BCL2L1: variants seen among roughly 807,000 people sequenced by gnomAD.
The protein encoded by BCL2L1 is bcl-2-like protein 1.
BCL2L1 carries 1 observed loss-of-function variant against 18.7 expected under a neutral mutation model. The ratio of observed to expected loss-of-function variants is 0.05; its 90% CI spans 0.02 to 0.25. The LOEUF is 0.25. Among genes scored for constraint, BCL2L1 ranks in the 10% least tolerant of loss-of-function variants. The pLI is 1.00. For missense variants in BCL2L1, 207 were observed against 304.9 expected, an observed-to-expected ratio of 0.68 and a Z score of 2.39; for synonymous variants, 103 against 122.7, an observed-to-expected ratio of 0.84 and a Z score of 1.06.
At position 31,665,040 on chromosome 20, in the gene BCL2L1, G is replaced by C. The variant is rs1216335005; in HGVS notation, c.*909C>G. On this transcript the variant is annotated 3_prime_UTR_variant, in exon 3 of 3. Transcript: ENST00000307677. The stretch of plus-strand genomic sequence containing the variant: ...GGGGCTCCCATAGCTGTTCCTGATA[G>C]CTCCCTTTCACCTCAGGGCTGAGTC... 1 of 189,274 alleles carries C rather than the reference G, an allele frequency of 5.3e-6. No homozygotes were observed. Among genetic ancestry groups the C allele is most frequent in the Admixed American group, 6.2e-5 (1 of 16,148 alleles). The allele number at this position is 189,274 out of a possible 1,614,324, so 11.7% of individuals were successfully genotyped here. A position where few individuals can be genotyped will look rare whatever the true frequency, so the allele number is the denominator to read the frequency against.
rs2122489953 is a variant in BCL2L1, at chr20:31,675,234, G to A, written c.565-9148C>T. Among the ~76,000 whole-genome samples, 3 of 152,324 alleles carry A rather than the reference G, an allele frequency of 2.0e-5. No individual in the cohort carries two copies. In the South Asian group the frequency reaches 6.2e-4, roughly 32 times the overall value. The stretch of plus-strand genomic sequence containing the variant: ...GAAAGAGGTAGGTGGAGAAGAGGAA[G>A]AGGCTACTAGCAGCCAGGAAAAGTG... On this transcript the variant is annotated intron_variant, in intron 2 of 2. Coordinates refer to ENST00000307677, the MANE Select transcript of BCL2L1 (RefSeq NM_138578.3).
At chr20:31,697,898 T>C (rs2061206471) in intron 2 of BCL2L1, among the ~76,000 whole-genome samples, 1 of 148,914 alleles carries the variant, frequency 6.7e-6, no homozygotes, top group Non-Finnish European at 1.5e-5. Context: ...TGCTGTTTTT[T>C]TTTTTTTGAG....
At chr20:31,667,843 T>G (rs1228622763) in intron 2 of BCL2L1, among the ~76,000 whole-genome samples, 1 of 152,154 alleles carries the variant, frequency 6.6e-6, no homozygotes. Flanking sequence ...CCATGTGCAC[T>G]GAGCTGCTAA....
At chr20:31,719,370 T>A (rs1280425759) in intron 2 of BCL2L1, among the ~76,000 whole-genome samples, 3 of 152,144 alleles carry the variant, frequency 2.0e-5, no homozygotes, top group Non-Finnish European at 4.4e-5. Context: ...AGCCGCAGTC[T>A]CCAGGATAAT....
intron 2 of BCL2L1, among the ~76,000 whole-genome samples, chr20:31,690,424 CAT>C (rs924507473): frequency 9.2e-5 from 14 of 152,142 alleles, no homozygotes; most frequent in Non-Finnish European, 1.5e-5. Flanking sequence ...AATATTTAAT[CAT>C]GTACAAAAGT....
intron 2 of BCL2L1, among the ~76,000 whole-genome samples, chr20:31,714,507 T>C (rs1216810986): frequency 6.6e-6 from 1 of 152,150 alleles, no homozygotes; most frequent in Non-Finnish European, 1.5e-5. Context: ...GGAAAGATAA[T>C]AAGAATAATG....
At chr20:31,685,897 C>T (rs1208831687) in intron 2 of BCL2L1, among the ~76,000 whole-genome samples, 1 of 152,132 alleles carries the variant, frequency 6.6e-6, no homozygotes, top group African/African-American at 2.4e-5. Flanking sequence ...ATATATAAAC[C>T]AAAGACCCAA....
At chr20:31,715,596 G>A (rs1162147767) in intron 2 of BCL2L1, among the ~76,000 whole-genome samples, 2 of 152,006 alleles carry the variant, frequency 1.3e-5, no homozygotes, top group South Asian at 2.1e-4. Context: ...ACTTTTGTTG[G>A]GACTCAGGAC....
intron 2 of BCL2L1, among the ~76,000 whole-genome samples, chr20:31,672,856 T>C (rs2060692652): frequency 6.6e-6 from 1 of 151,618 alleles, no homozygotes. Flanking sequence ...TGCCCACATT[T>C]CCTTCTTTTT....
At chr20:31,693,540 G>A (rs1296786864) in intron 2 of BCL2L1, among the ~76,000 whole-genome samples, 2 of 151,204 alleles carry the variant, frequency 1.3e-5, no homozygotes, top group Non-Finnish European at 2.9e-5. Flanking sequence ...GTTTATTTTT[G>A]TTTGTTTTTA....
rs183622785 is a variant in BCL2L1 at position 31,706,149 on chromosome 20, G to A, written c.564+15506C>T. Among the ~76,000 whole-genome samples the A allele has an allele frequency of 1.7e-4, 26 of 152,224 alleles. No homozygotes were observed. The Middle Eastern group carries it at 0.014, about 80-fold the overall frequency. On this transcript the variant is annotated intron_variant, in intron 2 of 2. Transcript: ENST00000307677. ...TGTTCTGGATCAGAGATAAGCATGGGGTGAGAACCATAGTACACTGGATTT... is the reference window on the plus strand; with the variant it reads ...TGTTCTGGATCAGAGATAAGCATGGAGTGAGAACCATAGTACACTGGATTT...
At chr20:31,676,640 G>C (rs2060766201) in intron 2 of BCL2L1, among the ~76,000 whole-genome samples, 1 of 152,144 alleles carries the variant, frequency 6.6e-6, no homozygotes, top group South Asian at 2.1e-4. Flanking sequence ...CAGAGTCGGA[G>C]ACTCCAGGGA....
intron 2 of BCL2L1, among the ~76,000 whole-genome samples, chr20:31,712,297 TACTA>T (rs890648824): frequency 1.3e-5 from 2 of 152,202 alleles, no homozygotes; most frequent in African/African-American, 4.8e-5. Context: ...CTTTGCCTCT[TACTA>T]ACTGTGCTAC....
intron 2 of BCL2L1, among the ~76,000 whole-genome samples, chr20:31,667,675 T>A (rs1413605908): frequency 1.3e-5 from 2 of 152,080 alleles, no homozygotes; most frequent in Admixed American, 1.3e-4. Context: ...TTTGCTCACT[T>A]GTGACCCCTG....
At chr20:31,670,445 C>T (rs2060649717) in intron 2 of BCL2L1, among the ~76,000 whole-genome samples, 1 of 152,210 alleles carries the variant, frequency 6.6e-6, no homozygotes, top group Admixed American at 6.5e-5. Flanking sequence ...TTGATGGGAA[C>T]TTTCCTGAAG....
rs185520761 is a variant in BCL2L1, at chr20:31,703,515, A to C, written c.564+18140T>G. Among the ~76,000 whole-genome samples, 511 of 142,512 alleles carry C rather than the reference A, an allele frequency of 3.6e-3. 2 individuals are homozygous for C. The highest frequency in any genetic ancestry group is 0.013 in the African/African-American group (483 of 38,022). 93.5% of individuals were successfully genotyped at this position (142,512 alleles called of 152,430 possible). On this transcript the variant is annotated intron_variant, in intron 2 of 2. Coordinates refer to ENST00000307677, the MANE Select transcript of BCL2L1 (RefSeq NM_138578.3). Reference sequence around the variant, plus strand: ...GTTGTTTTTTTTTTTTTTTGAGACAAGAGTCTCACTCTGTTGCCCAGGCTG... The same window carrying C: ...GTTGTTTTTTTTTTTTTTTGAGACACGAGTCTCACTCTGTTGCCCAGGCTG...
intron 2 of BCL2L1, among the ~76,000 whole-genome samples, chr20:31,682,981 C>T (rs998015057): frequency 9.9e-5 from 15 of 152,260 alleles, no homozygotes; most frequent in Admixed American, 9.2e-4. Flanking sequence ...AAGCCAGTAT[C>T]ATTTCTTGCC....
At chr20:31,673,471 C>T (rs1221586342) in intron 2 of BCL2L1, among the ~76,000 whole-genome samples, 1 of 150,098 alleles carries the variant, frequency 6.7e-6, no homozygotes, top group East Asian at 1.9e-4. Context: ...CAGGAGGACC[C>T]TGTCTCTACA....
intron 2 of BCL2L1, among the ~76,000 whole-genome samples, chr20:31,675,263 G>A (rs1053679427): frequency 3.3e-5 from 5 of 152,170 alleles, no homozygotes; most frequent in African/African-American, 1.2e-4. Flanking sequence ...AAAAGTGCCA[G>A]GGACACCAGA....
Sources: gnomAD v4.1 joint callset for allele counts (sites outside exome capture counted in the v4.1 genomes callset) on GRCh38, gnomAD v4.1.1 for gene constraint, MANE v1.5 for transcripts, NCBI Gene and HGNC (gene_info 2026-07-23, HGNC 2026-07-21) for gene names.